The following CRMP1 variants were observed in gnomAD, a reference collection of about 807,000 sequenced individuals.
CRMP1 encodes the protein collapsin response mediator protein 1, also known as dihydropyrimidinase-related protein 1.
A neutral mutation model predicts 68.3 loss-of-function variants in CRMP1; 19 were observed. The ratio of observed to expected loss-of-function variants is 0.28; its 90% confidence interval spans 0.19 to 0.41. The LOEUF (loss-of-function observed/expected upper bound fraction) is 0.41, where lower values mean the gene tolerates loss of function less well. CRMP1 is among the 10% of genes least tolerant of loss of function. CRMP1 has a pLI of 1.00. For synonymous variants in CRMP1, 439 were observed against 399.6 expected (o/e 1.10, Z -1.18); for missense variants, 791 against 967.4 (o/e 0.82, Z 2.42).
intron 13 of CRMP1, among the ~76,000 whole-genome samples, chr4:5,823,167 C>A (rs1164476413): frequency 6.6e-6 from 1 of 152,190 alleles, no homozygotes; most frequent in African/African-American, 2.4e-5. Flanking sequence ...ACCCCACTCC[C>A]TTGGCCTCAT....
In CRMP1 at chr4:5,850,998, T is replaced by C. The variant is rs73797928; in HGVS notation, c.882+410A>G. Among the ~76,000 whole-genome samples the C allele has an allele frequency of 0.02, 3,022 of 152,278 alleles. 101 individuals are homozygous for C. The highest frequency in any genetic ancestry group is 0.069 in the African/African-American group (2,853 of 41,542). On this transcript the variant is annotated intron_variant, in intron 5 of 13. Coordinates refer to ENST00000324989, the MANE Select transcript of CRMP1 (RefSeq NM_001014809.3). This position sits in a 1 kb window ranked among gnomAD's most constrained non-coding sequence, Gnocchi z 4.4. Reference sequence around the variant, plus strand: ...GTTGCTGTGAGGGAAGGCCAGGCAGTCTCTCTTCCTGTGTCAGAGCTCATA... The same window carrying C: ...GTTGCTGTGAGGGAAGGCCAGGCAGCCTCTCTTCCTGTGTCAGAGCTCATA...
In CRMP1 at chr4:5,892,558, C is replaced by A. The variant is rs889816297; in HGVS notation, c.381+31G>T. ...CTGGGTCCTCCCGGGGCCCGCCCCC[C>A]TCGTCTGGCCCGCGCGCGCCCCGAG... is the stretch of plus-strand genomic sequence containing the variant. On this transcript the variant is annotated intron_variant, in intron 1 of 13. Transcript: ENST00000324989. This position sits in a 1 kb window ranked among gnomAD's most constrained non-coding sequence, Gnocchi z 8.6. The A allele has an allele frequency of 7.7e-5, 90 of 1,171,094 alleles. No individual in the cohort carries two copies. Among genetic ancestry groups the A allele is most frequent in the Non-Finnish European group, 9.1e-5 (86 of 948,764 alleles). The allele number at this position is 1,171,094 out of a possible 1,614,324, so 72.5% of individuals were successfully genotyped here. A position where few individuals can be genotyped will look rare whatever the true frequency, so the allele number is the denominator to read the frequency against.
rs1011062693 is a variant in CRMP1 at position 5,890,357 on chromosome 4, G to C, written c.381+2232C>G. Among the ~76,000 whole-genome samples, 8 of 152,186 alleles carry C rather than the reference G, an allele frequency of 5.3e-5. No individual in the cohort carries two copies. The highest frequency in any genetic ancestry group is 1.2e-4 in the Non-Finnish European group (8 of 68,030). ...AAAGCGCCGCAGCCGCTCAGCCTCC[G>C]GCAGCGGCAATCCTTGCGCCTGCGC... On this transcript the variant is annotated intron_variant, in intron 1 of 13. Transcript: ENST00000324989. This position sits in a 1 kb window ranked among gnomAD's most constrained non-coding sequence, Gnocchi z 5.5.
rs534506401 is a variant in CRMP1, at chr4:5,872,599, A to T, written c.382-5843T>A. ...CTACTCGGGAGGCTGAGGCAGGAGA[A>T]TCACTTGAACCCAGGAGGCGGAGGT... is the stretch of plus-strand genomic sequence containing the variant. On this transcript the variant is annotated intron_variant, in intron 1 of 13. Transcript: ENST00000324989. The surrounding 1 kb of genome is among the most constrained non-coding windows in gnomAD (Gnocchi z 4.6). 1.3e-5 allele frequency among the ~76,000 whole-genome samples: 2 copies of T among 152,358 alleles called. No homozygotes were observed. Among genetic ancestry groups the T allele is most frequent in the South Asian group, 2.1e-4 (1 of 4,826 alleles).
At chr4:5,868,464 G>C (rs1714205756) in intron 1 of CRMP1, among the ~76,000 whole-genome samples, 1 of 151,332 alleles carries the variant, frequency 6.6e-6, no homozygotes, top group African/African-American at 2.4e-5. Flanking sequence ...ACCACACTTG[G>C]CTAATTTTTT....
At chr4:5,831,509 C>T (rs570204059) in intron 11 of CRMP1, among the ~76,000 whole-genome samples, 1 of 152,288 alleles carries the variant, frequency 6.6e-6, no homozygotes, top group East Asian at 1.9e-4. Flanking sequence ...TTCTCCCTCA[C>T]CCTAAAGTGG....
At chr4:5,882,432 G>A (rs1715278815) in intron 1 of CRMP1, among the ~76,000 whole-genome samples, 1 of 152,142 alleles carries the variant, frequency 6.6e-6, no homozygotes, top group African/African-American at 2.4e-5. Flanking sequence ...ACACCTTGGG[G>A]TTGTATGCTA....
rs1560491062 is a variant in CRMP1 at position 5,836,016 on chromosome 4, G to A, written c.1522C>T (p.Leu508=). The part of the protein sequence containing the change: ...TSTNAAKIFN[L]YPRKGRIAVG... ...GCAATCCGCCCTTTCCTTGGGTACA[G>A]GTTAAAGATCTTGGCTGCATTGGTG... Residue 508 remains leucine (L), a synonymous_variant, in exon 11 of 14, where the codon CTG becomes TTG. Coordinates refer to ENST00000324989, the MANE Select transcript of CRMP1 (RefSeq NM_001014809.3). 2 of 1,605,498 alleles carry A rather than the reference G, an allele frequency of 1.2e-6. No homozygotes were observed. Among genetic ancestry groups the A allele is most frequent in the Non-Finnish European group, 8.5e-7 (1 of 1,175,916 alleles).
At chr4:5,862,767 G>A (rs754044255) in intron 2 of CRMP1, among the ~76,000 whole-genome samples, 24 of 152,190 alleles carry the variant, frequency 1.6e-4, no homozygotes, top group Non-Finnish European at 3.1e-4. Context: ...GCCTGTGACC[G>A]AGTCACCATT....
In CRMP1 at chr4:5,861,363, C is replaced by A. The variant is rs772254914; in HGVS notation, c.471-153G>T. 1.2e-4 allele frequency among the ~76,000 whole-genome samples: 18 copies of A among 152,314 alleles called. No individual in the cohort carries two copies. In the South Asian group the frequency reaches 1.2e-3, roughly 11 times the overall value. On this transcript the variant is annotated intron_variant, in intron 2 of 13. Coordinates refer to ENST00000324989, the MANE Select transcript of CRMP1 (RefSeq NM_001014809.3). This position sits in a 1 kb window ranked among gnomAD's most constrained non-coding sequence, Gnocchi z 6.0. ...GAGATAACTCAGGCAGGGCACATGCCCTCAAGGGGCTCATAGTCTAATAGG... is the reference window on the plus strand; with the variant it reads ...GAGATAACTCAGGCAGGGCACATGCACTCAAGGGGCTCATAGTCTAATAGG...
chr4:5,874,011 A>C (rs1186866253), intron 1 of CRMP1, among the ~76,000 whole-genome samples: 2 of 152,226 alleles, frequency 1.3e-5, no homozygotes, highest in Admixed American at 1.3e-4. Context: ...AAGGGGAAGG[A>C]ATCGTCTTTA....
rs1715963436 is a variant in CRMP1, at chr4:5,891,803, A to G, written c.381+786T>C. Among the ~76,000 whole-genome samples, 1 of 152,094 alleles carries G rather than the reference A, an allele frequency of 6.6e-6. No homozygotes were observed. The highest frequency in any genetic ancestry group is 2.4e-5 in the African/African-American group (1 of 41,412). ...GGTGACCCCCAGCTCAAGAGAGAAT[A>G]CCCGCAGGGCCCAAGCCCTAGCGTT... is the stretch of plus-strand genomic sequence containing the variant. On this transcript the variant is annotated intron_variant, in intron 1 of 13. Transcript: ENST00000324989. The surrounding 1 kb of genome is among the most constrained non-coding windows in gnomAD (Gnocchi z 5.2).
intron 1 of CRMP1, among the ~76,000 whole-genome samples, chr4:5,868,253 C>CTATATA (rs1714130415): frequency 2.4e-5 from 2 of 83,160 alleles, no homozygotes; most frequent in Non-Finnish European, 4.8e-5. Context: ...TTCTTCATGA[C>CTATATA]TATATATCTA....
In CRMP1 at chr4:5,892,741, C is replaced by G; in HGVS notation, c.229G>C (p.Gly77Arg). Residue 77 changes from glycine to arginine, a missense_variant, in exon 1 of 14, where the codon GGG becomes CGG. By Grantham distance (125) the Gly-to-Arg change is moderately radical. Around this residue, in one of 3 missense-constraint regions of CRMP1, gnomAD observed 193 missense variants for 186.3 expected, o/e 1.04. Coordinates refer to ENST00000324989, the MANE Select transcript of CRMP1 (RefSeq NM_001014809.3). This position sits in a 1 kb window ranked among gnomAD's most constrained non-coding sequence, Gnocchi z 8.6. ...AGRPDAVGLP[G>R]PGGSEDTASD... Reference sequence around the variant, plus strand: ...GCCGTGTCCTCGCTGCCTCCCGGCCCTGGCAGCCCGACCGCGTCGGGCCGG... The same window carrying G: ...GCCGTGTCCTCGCTGCCTCCCGGCCGTGGCAGCCCGACCGCGTCGGGCCGG... 2 of 1,226,190 alleles carry G rather than the reference C, an allele frequency of 1.6e-6. No individual in the cohort carries two copies. The highest frequency in any genetic ancestry group is 2.0e-6 in the Non-Finnish European group (2 of 985,788). The allele number at this position is 1,226,190 out of a possible 1,614,324, so 76.0% of individuals were successfully genotyped here.
chr4:5,871,942 C>T (rs1432972469), intron 1 of CRMP1, among the ~76,000 whole-genome samples: 1 of 152,162 alleles, frequency 6.6e-6, no homozygotes, highest in African/African-American at 2.4e-5. Flanking sequence ...TAGGTCTGAT[C>T]CCACCTCGCA....
chr4:5,873,471 G>T (rs1293116112), intron 1 of CRMP1, among the ~76,000 whole-genome samples: 1 of 152,026 alleles, frequency 6.6e-6, no homozygotes, highest in Non-Finnish European at 1.5e-5. Flanking sequence ...CTTGGCTTCT[G>T]GGGAGGCCTC....
Position 5,889,819 on chromosome 4 carries a change from A to C in CRMP1, c.381+2770T>G. 6.7e-7 allele frequency: 1 copy of C among 1,495,798 alleles called. No individual in the cohort carries two copies. The highest frequency in any genetic ancestry group is 8.9e-7 in the Non-Finnish European group (1 of 1,124,612). The allele number at this position is 1,495,798 out of a possible 1,614,324, so 92.7% of individuals were successfully genotyped here. A position where few individuals can be genotyped will look rare whatever the true frequency, so the allele number is the denominator to read the frequency against. On this transcript the variant is annotated intron_variant, in intron 1 of 13. Transcript: ENST00000324989. This position sits in a 1 kb window ranked among gnomAD's most constrained non-coding sequence, Gnocchi z 4.5. Reference sequence around the variant, plus strand: ...ACCCCAGGGGCCAGTCCCCTAATCCAGGGCAGGAGGCCAGAGACACCTGGG... The same window carrying C: ...ACCCCAGGGGCCAGTCCCCTAATCCCGGGCAGGAGGCCAGAGACACCTGGG...
chr4:5,856,446 C>T (rs2152465754), intron 3 of CRMP1, 139 bp from the exon 4 acceptor site: 1 of 666,134 alleles, frequency 1.5e-6, no homozygotes, highest in African/African-American at 2.4e-5. Context: ...ACACCATCAC[C>T]ATTATCACTA....
chr4:5,865,324 G>A lies in CRMP1; in HGVS notation c.470+1344C>T, dbSNP rs1713905437. Among the ~76,000 whole-genome samples the A allele has an allele frequency of 6.6e-6, 1 of 152,086 alleles. No individual in the cohort carries two copies. The highest frequency in any genetic ancestry group is 2.1e-4 in the South Asian group (1 of 4,818). On this transcript the variant is annotated intron_variant, in intron 2 of 13. Transcript: ENST00000324989. This position sits in a 1 kb window ranked among gnomAD's most constrained non-coding sequence, Gnocchi z 4.1. ...GAACTGCCCTGATCCTCACCCGCCAGTAAAATGTTAAGGCCAGCCAGGCGC... is the reference window on the plus strand; with the variant it reads ...GAACTGCCCTGATCCTCACCCGCCAATAAAATGTTAAGGCCAGCCAGGCGC...
Sources: gnomAD v4.1 joint callset for allele counts (sites outside exome capture counted in the v4.1 genomes callset) on GRCh38, gnomAD v4.1.1 for gene constraint, gnomAD v4.1.1 regional missense constraint, Gnocchi (gnomAD v3.1) non-coding constraint, MANE v1.5 for transcripts, NCBI Gene and HGNC (gene_info 2026-07-23, HGNC 2026-07-21) for gene names.